NKAIN3: variants seen among roughly 807,000 people sequenced by gnomAD.
NKAIN3 encodes sodium/potassium-transporting ATPase subunit beta-1-interacting protein 3.
A neutral mutation model predicts 30.2 loss-of-function variants in NKAIN3; 25 were observed. The ratio of observed to expected loss-of-function variants is 0.83; its 90% CI spans 0.60 to 1.16. The LOEUF is 1.16. Ranked by LOEUF, NKAIN3 falls within the 50% of genes most tolerant of loss-of-function variation. The pLI is 0.00. For synonymous variants in NKAIN3, 91 were observed against 89.6 expected (o/e 1.02, Z -0.09); for missense variants, 225 against 254.1 (o/e 0.89, Z 0.78).
intron 1 of NKAIN3, among the ~76,000 whole-genome samples, chr8:62,312,083 G>A (rs961025327): frequency 4.0e-5 from 6 of 150,250 alleles, no homozygotes; most frequent in African/African-American, 1.5e-4. Flanking sequence ...AAAAAATAAA[G>A]GAGAATGTTC....
In NKAIN3 at chr8:62,965,945, A is replaced by G; in HGVS notation, c.*538A>G. On this transcript the variant is annotated 3_prime_UTR_variant, in exon 7 of 7. Transcript: ENST00000623646. ...TTTTTTCAACAGCATAAAACAAAAC[A>G]TGGAGTCCTCCTTTGTTCCTGACTT... is the stretch of plus-strand genomic sequence containing the variant. The G allele has an allele frequency of 1.0e-6, 1 of 984,962 alleles. No homozygotes were observed. Among genetic ancestry groups the G allele is most frequent in the Non-Finnish European group, 1.2e-6 (1 of 829,492 alleles). The allele number at this position is 984,962 out of a possible 1,614,324, so 61.0% of individuals were successfully genotyped here. A position where few individuals can be genotyped will look rare whatever the true frequency, so the allele number is the denominator to read the frequency against.
chr8:62,598,530 C>G (rs974099348), intron 3 of NKAIN3, among the ~76,000 whole-genome samples: 10 of 152,052 alleles, frequency 6.6e-5, no homozygotes, highest in African/African-American at 2.2e-4. Flanking sequence ...GGGACAGTCC[C>G]TTCTGAGCAG....
At chr8:62,571,983 T>A (rs555873253) in intron 1 of NKAIN3, among the ~76,000 whole-genome samples, 1 of 152,264 alleles carries the variant, frequency 6.6e-6, no homozygotes, top group Non-Finnish European at 1.5e-5. Flanking sequence ...TTCCCCATTG[T>A]CTTGGGGATT....
intron 1 of NKAIN3, among the ~76,000 whole-genome samples, chr8:62,497,411 G>A (rs73267343): frequency 0.018 from 2,657 of 145,194 alleles, 79 homozygotes; most frequent in African/African-American, 0.064. Flanking sequence ...GTATGTGGAC[G>A]GTGATTTCTA....
chr8:62,838,333 CACACACATATAT>C (rs1487132591), intron 4 of NKAIN3, among the ~76,000 whole-genome samples: 1 of 151,692 alleles, frequency 6.6e-6, no homozygotes, highest in East Asian at 1.9e-4. Context: ...TATATATACA[CACACACATATAT>C]ACACACATAC....
chr8:62,899,223 C>T (rs116261044), intron 4 of NKAIN3, among the ~76,000 whole-genome samples: 2,518 of 152,266 alleles, frequency 0.017, 84 homozygotes, highest in African/African-American at 0.058. Flanking sequence ...AGCAATCGCA[C>T]TGCTGGGTAA....
intron 4 of NKAIN3, among the ~76,000 whole-genome samples, chr8:62,771,653 A>T (rs1013141857): frequency 1.4e-4 from 22 of 151,988 alleles, no homozygotes; most frequent in Admixed American, 1.4e-3. Context: ...ATAAAAAAAA[A>T]GATCTATAGA....
intron 4 of NKAIN3, among the ~76,000 whole-genome samples, chr8:62,841,407 T>G (rs1819528017): frequency 6.6e-6 from 1 of 152,134 alleles, no homozygotes; most frequent in Non-Finnish European, 1.5e-5. Flanking sequence ...AACAGATCTC[T>G]AAACCTCCTG....
At chr8:62,938,343 G>A (rs1419696315) in intron 5 of NKAIN3, among the ~76,000 whole-genome samples, 1 of 152,012 alleles carries the variant, frequency 6.6e-6, no homozygotes, top group Non-Finnish European at 1.5e-5. Flanking sequence ...CCCAAGAAAG[G>A]AGAAAACAAC....
chr8:62,636,558 A>G (rs1211013478), intron 3 of NKAIN3, among the ~76,000 whole-genome samples: 1 of 152,244 alleles, frequency 6.6e-6, no homozygotes, highest in African/African-American at 2.4e-5. Flanking sequence ...GTTGAGGTTG[A>G]AAATTCATGC....
At chr8:62,310,359 TAACTA>T (rs913682582) in intron 1 of NKAIN3, among the ~76,000 whole-genome samples, 1 of 150,578 alleles carries the variant, frequency 6.6e-6, no homozygotes. Flanking sequence ...GTTAGGAAGA[TAACTA>T]AAGACAGGAA....
At chr8:62,301,256 C>G (rs1248466621) in intron 1 of NKAIN3, among the ~76,000 whole-genome samples, 2 of 151,984 alleles carry the variant, frequency 1.3e-5, no homozygotes, top group Admixed American at 6.6e-5. Context: ...GGAAACATCT[C>G]TATAGCTAGT....
chr8:62,639,748 G>A (rs1294927069), intron 3 of NKAIN3, among the ~76,000 whole-genome samples: 4 of 152,048 alleles, frequency 2.6e-5, no homozygotes, highest in African/African-American at 9.7e-5. Context: ...GGGAGGATGT[G>A]GGTGCAGAGA....
At chr8:62,413,350 A>G (rs1804325200) in intron 1 of NKAIN3, among the ~76,000 whole-genome samples, 1 of 152,154 alleles carries the variant, frequency 6.6e-6, no homozygotes, top group South Asian at 2.1e-4. Flanking sequence ...TTCTACCAGG[A>G]TACATTCTGA....
At chr8:62,755,209 A>G (rs957056787) in intron 4 of NKAIN3, among the ~76,000 whole-genome samples, 7 of 152,180 alleles carry the variant, frequency 4.6e-5, no homozygotes, top group Non-Finnish European at 1.0e-4. Context: ...TTGTGAGTGA[A>G]GGTGGACCTC....
chr8:62,278,190 C>T (rs1041585487), intron 1 of NKAIN3, among the ~76,000 whole-genome samples: 3 of 152,080 alleles, frequency 2.0e-5, no homozygotes, highest in Non-Finnish European at 4.4e-5. Context: ...GCTGAAGAGA[C>T]TCAGGTCATG....
intron 4 of NKAIN3, among the ~76,000 whole-genome samples, chr8:62,882,885 C>T (rs1378390045): frequency 6.6e-6 from 1 of 152,124 alleles, no homozygotes; most frequent in Non-Finnish European, 1.5e-5. Context: ...TTTCTGGGCT[C>T]TCTATTCTGT....
intron 4 of NKAIN3, among the ~76,000 whole-genome samples, chr8:62,859,508 T>TAACAAAAAAAAAAAAAAAAAAAAAA (rs1820173262): frequency 1.7e-5 from 1 of 60,442 alleles, no homozygotes; most frequent in Non-Finnish European, 3.4e-5. Context: ...TTACTTCAAC[T>TAACAAAAAAAAAAAAAAAAAAAAAA]AAAAAAAAAA....
chr8:62,996,836 G>T (rs949246471), intron 5 of NKAIN3, among the ~76,000 whole-genome samples: 27 of 152,184 alleles, frequency 1.8e-4, no homozygotes, highest in South Asian at 2.1e-4. Context: ...CCCACGGTAC[G>T]CTGATGCAAA....
Sources: gnomAD v4.1 joint callset for allele counts (sites outside exome capture counted in the v4.1 genomes callset) on GRCh38, gnomAD v4.1.1 for gene constraint, MANE v1.5 for transcripts, NCBI Gene and HGNC (gene_info 2026-07-23, HGNC 2026-07-21) for gene names.